ATXN3: variants seen among roughly 807,000 people sequenced by gnomAD.
ATXN3 encodes the protein ataxin-3.
A neutral mutation model predicts 58.2 loss-of-function variants in ATXN3; 28 were observed. The observed-to-expected ratio is 0.48, with a 90% CI of 0.36 to 0.66. ATXN3 has a LOEUF of 0.66. Ranked by LOEUF, ATXN3 falls within the 30% of genes least tolerant of loss-of-function variation. The pLI is 0.00. For missense variants in ATXN3, 321 were observed against 422.1 expected (o/e 0.76, Z 2.10); for synonymous variants, 113 against 138.5 (o/e 0.82, Z 1.29).
rs746773032 is a variant in ATXN3, at chr14:92,064,306, A to AT, written c.*13dup. On this transcript the variant is annotated 3_prime_UTR_variant, in exon 11 of 11. Transcript: ENST00000644486. ...GTTGGAAAGTATGAATATCTAAATT[A>AT]TTTTTTAAAGGTATTATTTTTTTCC... 1.3e-6 allele frequency: 2 copies of AT among 1,553,960 alleles called. No individual in the cohort carries two copies. The highest frequency in any genetic ancestry group is 1.8e-6 in the Non-Finnish European group (2 of 1,126,986).
intron 10 of ATXN3, 79 bp from the exon 11 acceptor site, chr14:92,064,493 T>C (rs1459093345): frequency 2.9e-6 from 3 of 1,045,136 alleles, no homozygotes; most frequent in Non-Finnish European, 4.3e-6. Context: ...TCTCAGAAAA[T>C]GTATTTCTAT....
chr14:92,082,649 CTTTTTT>C (rs34366039), intron 7 of ATXN3, among the ~76,000 whole-genome samples, 183 bp from the exon 8 acceptor site: 1 of 132,910 alleles, frequency 7.5e-6, no homozygotes, highest in Non-Finnish European at 1.6e-5. Flanking sequence ...TTTTCCGTTT[CTTTTTT>C]TTTTTTTTTT....
rs547797764 is a variant in ATXN3, at chr14:92,078,564, T to C, written c.872+2401A>G. On this transcript the variant is annotated intron_variant, in intron 9 of 10. Transcript: ENST00000644486. ...TTTTAGTAGAGATGGGGTTTCTCCATGTTGGTCAGGCTGGTCTTGAACTCC... is the reference window on the plus strand; with the variant it reads ...TTTTAGTAGAGATGGGGTTTCTCCACGTTGGTCAGGCTGGTCTTGAACTCC... 4.6e-5 allele frequency among the ~76,000 whole-genome samples: 7 copies of C among 151,692 alleles called. No homozygotes were observed. The East Asian group carries it at 1.4e-3, about 30-fold the overall frequency.
intron 6 of ATXN3, among the ~76,000 whole-genome samples, chr14:92,088,321 C>T (rs1458437039): frequency 6.6e-6 from 1 of 152,178 alleles, no homozygotes; most frequent in Non-Finnish European, 1.5e-5. Context: ...CCGCCTGCCT[C>T]AGCCTCCCAA....
chr14:92,098,205 A>T (rs1352905744), intron 1 of ATXN3, among the ~76,000 whole-genome samples: 1 of 152,144 alleles, frequency 6.6e-6, no homozygotes, highest in African/African-American at 2.4e-5. Flanking sequence ...TCCAGGGCTC[A>T]AGGGATCTTC....
chr14:92,093,260 C>A lies in ATXN3; in HGVS notation c.379G>T (p.Gly127Ter). Reference protein sequence around the residue: ...KEHWFTVRKLGKQWFNLNSLL... With the variant: ...KEHWFTVRKL The stretch of plus-strand genomic sequence containing the variant: ...AGGGTAAGAAATGTTACCTGTTTTC[C>A]TAATTTTCTAACTGTAAACCAGTGT... Residue 127 changes from glycine (G) to a stop codon, truncating the protein, a stop_gained, in exon 5 of 11, where the codon GGA becomes TGA. Coordinates refer to ENST00000644486, the MANE Select transcript of ATXN3 (RefSeq NM_004993.6). LOFTEE classifies it high-confidence loss of function. 1 of 1,490,880 alleles carries A rather than the reference C, an allele frequency of 6.7e-7. No individual in the cohort carries two copies. Among genetic ancestry groups the A allele is most frequent in the South Asian group, 1.2e-5 (1 of 85,128 alleles). The allele number at this position is 1,490,880 out of a possible 1,614,324, so 92.4% of individuals were successfully genotyped here.
intron 3 of ATXN3, 113 bp from the exon 4 acceptor site, chr14:92,093,944 G>GA (rs2064512525): frequency 2.5e-6 from 1 of 405,796 alleles, no homozygotes; most frequent in Non-Finnish European, 4.4e-6. Context: ...AAGGCTATAG[G>GA]TTTTTTTTTT....
downstream of ATXN3, among the ~76,000 whole-genome samples, chr14:92,055,311 T>C (rs1349552104): frequency 6.6e-6 from 1 of 152,208 alleles, no homozygotes; most frequent in Non-Finnish European, 1.5e-5. The surrounding 1 kb of genome is among the most constrained non-coding windows in gnomAD (Gnocchi z 4.5). Context: ...GGAGCAAATA[T>C]AGTGATCAAT....
At chr14:92,102,622 T>C (rs765647583) in intron 1 of ATXN3, among the ~76,000 whole-genome samples, 25 of 152,208 alleles carry the variant, frequency 1.6e-4, no homozygotes, top group Non-Finnish European at 3.4e-4. Flanking sequence ...GCCCTTACTA[T>C]GAGGTTCAGC....
At chr14:92,049,568 A>G in intron 1 of ATXN3, 1 of 160,450 alleles carries the variant, frequency 6.2e-6, no homozygotes, top group Non-Finnish European at 1.3e-5. Context: ...AGGGAGATTG[A>G]AGGGTAGCAA....
chr14:92,071,988 T>C (rs1452746719), intron 9 of ATXN3, among the ~76,000 whole-genome samples: 1 of 152,214 alleles, frequency 6.6e-6, no homozygotes, highest in African/African-American at 2.4e-5. Context: ...TACTCATCTA[T>C]TTCCCCAGTG....
At chr14:92,096,594 A>C in intron 2 of ATXN3, 80 bp downstream of exon 2, 1 of 1,427,236 alleles carries the variant, frequency 7.0e-7, no homozygotes, top group Admixed American at 2.0e-5. Flanking sequence ...ATTGCACTCC[A>C]GCATGGGCAA....
At chr14:92,064,745 T>C (rs1452211867) in intron 10 of ATXN3, among the ~76,000 whole-genome samples, 1 of 152,218 alleles carries the variant, frequency 6.6e-6, no homozygotes, top group Non-Finnish European at 1.5e-5. Context: ...AGTAGGTATG[T>C]AGCCTTTTGA....
In ATXN3 at chr14:92,081,043, G is replaced by C; in HGVS notation, c.794C>G (p.Ser265Cys). The stretch of plus-strand genomic sequence containing the variant: ...ACCTGATGTCTGTGTCATATCTTGA[G>C]ATATGTTTCTGGAACTACCTGAAAA... ...LSMQGSSRNI[S>C]QDMTQTSGTN... Residue 265 changes from serine (S) to cysteine (C), a missense_variant, in exon 9 of 11, where the codon TCT (serine) becomes TGT (cysteine). Ser to Cys is a moderately radical substitution (Grantham distance 112, BLOSUM62 -1). This residue lies in a region of ATXN3 where 200 missense variants were observed against 223.2 expected (regional missense o/e 0.90). Coordinates refer to ENST00000644486, the MANE Select transcript of ATXN3 (RefSeq NM_004993.6). 2 of 1,610,318 alleles carry C rather than the reference G, an allele frequency of 1.2e-6. No individual in the cohort carries two copies. Among genetic ancestry groups the C allele is most frequent in the Non-Finnish European group, 1.7e-6 (2 of 1,177,444 alleles).
At chr14:92,068,996 CCA>C (rs1394999362) in intron 10 of ATXN3, among the ~76,000 whole-genome samples, 2 of 152,176 alleles carry the variant, frequency 1.3e-5, no homozygotes, top group African/African-American at 2.4e-5. Flanking sequence ...TTTGGATATA[CCA>C]CAGTTTGTGC....
intron 1 of ATXN3, among the ~76,000 whole-genome samples, chr14:92,105,437 T>A (rs909480740): frequency 2.0e-5 from 3 of 152,170 alleles, no homozygotes; most frequent in Non-Finnish European, 2.9e-5. Context: ...TTAAAAAAAA[T>A]TTATGCTACA....
chr14:92,070,227 T>C (rs1481035896), intron 10 of ATXN3, among the ~76,000 whole-genome samples: 2 of 152,192 alleles, frequency 1.3e-5, no homozygotes, highest in Non-Finnish European at 2.9e-5. Context: ...ATTTAGATTA[T>C]ACTCAAGTAT....
At position 92,070,987 on chromosome 14, in the gene ATXN3, T is replaced by G; in HGVS notation, c.939A>C (p.Ser313=). The change falls in exon 10 of 11, where the codon TCA becomes TCC. Residue 313 remains serine, a synonymous_variant. Coordinates refer to ENST00000644486, the MANE Select transcript of ATXN3 (RefSeq NM_004993.6). The stretch of plus-strand genomic sequence containing the variant: ...TGGTGGCTGGCCTTTCACATGGATG[T>G]GAACTCTGTCCTGATAGGTCCCCCT... ...QQQGDLSGQS[S]HPCERPATSS... 4 of 972,644 alleles carry G rather than the reference T, an allele frequency of 4.1e-6. No individual in the cohort carries two copies. The highest frequency in any genetic ancestry group is 5.2e-6 in the Non-Finnish European group (4 of 769,592). 60.3% of individuals were successfully genotyped at this position (972,644 alleles called of 1,614,324 possible).
Position 92,096,671 on chromosome 14 carries a change from T to C in ATXN3, c.189+3A>G. 6.2e-7 allele frequency: 1 copy of C among 1,601,212 alleles called. No homozygotes were observed. Among genetic ancestry groups the C allele is most frequent in the Non-Finnish European group, 8.5e-7 (1 of 1,174,734 alleles). On this transcript the variant is annotated splice_donor_region_variant and intron_variant, in intron 2 of 10. Coordinates refer to ENST00000644486, the MANE Select transcript of ATXN3 (RefSeq NM_004993.6). ...TGTGACTTAGTGAGTTTAAAATCAG[T>C]ACCTGTAAAAACGTGCGATAATCTT... is the stretch of plus-strand genomic sequence containing the variant.
Sources: allele counts gnomAD v4.1 joint callset (sites outside exome capture counted in the v4.1 genomes callset), GRCh38; gene constraint gnomAD v4.1.1; regional missense constraint gnomAD v4.1.1; non-coding constraint Gnocchi (gnomAD v3.1); transcripts MANE v1.5; gene names NCBI Gene and HGNC (gene_info 2026-07-23, HGNC 2026-07-21).